The following PARP1 variants were observed in gnomAD, a reference collection of about 807,000 sequenced individuals.
PARP1 encodes poly [ADP-ribose] polymerase 1.
A neutral mutation model predicts 118.7 loss-of-function variants in PARP1; 44 were observed. The observed-to-expected ratio is 0.37, with a 90% CI of 0.29 to 0.48. The LOEUF (loss-of-function observed/expected upper bound fraction) is 0.48, where lower values mean the gene tolerates loss of function less well. Among genes scored for constraint, PARP1 ranks in the 20% least tolerant of loss-of-function variants. The probability of loss-of-function intolerance (pLI) is 0.99; values close to 1 mark genes in which losing one functional copy is unlikely to be tolerated. For missense variants in PARP1, 1,100 were observed against 1,272.4 expected (o/e 0.86, Z 2.06); for synonymous variants, 492 against 483.2 (o/e 1.02, Z -0.24).
At chr1:226,387,471 A>G (rs1158528742) in intron 5 of PARP1, among the ~76,000 whole-genome samples, 1 of 152,168 alleles carries the variant, frequency 6.6e-6, no homozygotes, top group Non-Finnish European at 1.5e-5. Flanking sequence ...TAGGGTTGCT[A>G]TTAGTATCAA....
chr1:226,379,957 A>T lies in PARP1; in HGVS notation c.1508T>A (p.Leu503His), dbSNP rs2102735402. The T allele has an allele frequency of 1.2e-6, 2 of 1,613,982 alleles. No individual in the cohort carries two copies. The highest frequency in any genetic ancestry group is 1.7e-6 in the Non-Finnish European group (2 of 1,180,008). ...VAPRGKSGAA[L>H]SKKSKGQVKE... ...GACCTGGCCCTTGCTTTTTTTGGAGAGCGCAGCCCCTGACTTCCCTCTTGG... is the reference window on the plus strand; with the variant it reads ...GACCTGGCCCTTGCTTTTTTTGGAGTGCGCAGCCCCTGACTTCCCTCTTGG... Residue 503 changes from leucine to histidine, a missense_variant, in exon 10 of 23, where the codon CTC (leucine) becomes CAC (histidine). Transcript: ENST00000366794.
intron 2 of PARP1, among the ~76,000 whole-genome samples, chr1:226,397,224 C>T (rs922291058): frequency 1.3e-5 from 2 of 150,778 alleles, no homozygotes; most frequent in African/African-American, 2.4e-5. Flanking sequence ...CAGAGGCTGA[C>T]GTGGGAGGAT....
In PARP1 at chr1:226,361,022, AT is replaced by A; in HGVS notation, c.*437del. ...TCTAAATAGTATGAAATTAGTTTTT[AT>A]TTTTAACTAAAAATAAATGCTTAAC... On this transcript the variant is annotated 3_prime_UTR_variant, in exon 23 of 23. Coordinates refer to ENST00000366794, the MANE Select transcript of PARP1 (RefSeq NM_001618.4). The A allele has an allele frequency of 4.2e-6, 1 of 236,044 alleles. No individual in the cohort carries two copies. The highest frequency in any genetic ancestry group is 8.4e-6 in the Non-Finnish European group (1 of 118,790). The allele number at this position is 236,044 out of a possible 1,614,324, so 14.6% of individuals were successfully genotyped here. A position where few individuals can be genotyped will look rare whatever the true frequency, so the allele number is the denominator to read the frequency against.
In PARP1 at chr1:226,361,343, G is replaced by A; in HGVS notation, c.*117C>T. On this transcript the variant is annotated 3_prime_UTR_variant, in exon 23 of 23. Coordinates refer to ENST00000366794, the MANE Select transcript of PARP1 (RefSeq NM_001618.4). ...CACGTTTCTGTAAAATCCTTTCTGAGGTGGTTTAGTACAGGTACTACCCAT... is the reference window on the plus strand; with the variant it reads ...CACGTTTCTGTAAAATCCTTTCTGAAGTGGTTTAGTACAGGTACTACCCAT... The A allele has an allele frequency of 1.4e-6, 1 of 724,940 alleles. No individual in the cohort carries two copies. Among genetic ancestry groups the A allele is most frequent in the Non-Finnish European group, 2.6e-6 (1 of 391,422 alleles). 44.9% of individuals were successfully genotyped at this position (724,940 alleles called of 1,614,324 possible). A position where few individuals can be genotyped will look rare whatever the true frequency, so the allele number is the denominator to read the frequency against.
intron 3 of PARP1, 46 bp from the exon 4 acceptor site, chr1:226,390,670 A>G (rs755184206): frequency 6.4e-7 from 1 of 1,558,610 alleles, no homozygotes; most frequent in Non-Finnish European, 8.8e-7. Flanking sequence ...ACAAGCAAGG[A>G]TAGTGAACAT....
At chr1:226,370,718 T>C in intron 14 of PARP1, 1 of 634,882 alleles carries the variant, frequency 1.6e-6, no homozygotes. Context: ...CTGAAGATTC[T>C]TGCTCACTTC....
chr1:226,388,297 C>T (rs1664752603), intron 5 of PARP1, among the ~76,000 whole-genome samples: 1 of 152,194 alleles, frequency 6.6e-6, no homozygotes, highest in African/African-American at 2.4e-5. Context: ...TATTCAGTTT[C>T]CAAAGTTTGC....
In PARP1 at chr1:226,392,517, T is replaced by G; in HGVS notation, c.287-203A>C. On this transcript the variant is annotated intron_variant, in intron 2 of 22. Coordinates refer to ENST00000366794, the MANE Select transcript of PARP1 (RefSeq NM_001618.4). ...TTCTTTTCTGGAGATAAATGACCCT[T>G]CTCAGACTGAGCTCCTTGAAAGAGC... is the stretch of plus-strand genomic sequence containing the variant. 3 of 605,622 alleles carry G rather than the reference T, an allele frequency of 5.0e-6. No individual in the cohort carries two copies. The Admixed American group carries it at 7.4e-5, about 15-fold the overall frequency. 37.5% of individuals were successfully genotyped at this position (605,622 alleles called of 1,614,324 possible).
chr1:226,373,641 C>G (rs545200361), intron 14 of PARP1, among the ~76,000 whole-genome samples: 3 of 152,166 alleles, frequency 2.0e-5, no homozygotes, highest in African/African-American at 7.2e-5. Flanking sequence ...CCACCCCCAC[C>G]CCACTGCCAA....
At chr1:226,368,503 C>T (rs1308981310) in intron 15 of PARP1, among the ~76,000 whole-genome samples, 182 bp from the exon 16 acceptor site, 1 of 152,124 alleles carries the variant, frequency 6.6e-6, no homozygotes, top group African/African-American at 2.4e-5. Flanking sequence ...AGGGCAGGAC[C>T]CCCATCCTCT....
At chr1:226,365,408 T>G (rs537663577) in intron 18 of PARP1, among the ~76,000 whole-genome samples, 3 of 152,228 alleles carry the variant, frequency 2.0e-5, no homozygotes, top group Non-Finnish European at 4.4e-5. Context: ...ATCTTGGACA[T>G]CTGATAATCT....
intron 2 of PARP1, among the ~76,000 whole-genome samples, chr1:226,400,094 G>A (rs1305727335): frequency 6.6e-6 from 1 of 152,212 alleles, no homozygotes; most frequent in Non-Finnish European, 1.5e-5. Flanking sequence ...CAGAGATTTT[G>A]TGCATGATAC....
chr1:226,367,756 T>G, intron 16 of PARP1, 148 bp from the exon 17 acceptor site: 1 of 883,606 alleles, frequency 1.1e-6, no homozygotes, highest in East Asian at 2.5e-5. Flanking sequence ...TGTTACCTGC[T>G]GCACATATTG....
chr1:226,394,294 C>T (rs1203798832), intron 2 of PARP1, among the ~76,000 whole-genome samples: 1 of 152,170 alleles, frequency 6.6e-6, no homozygotes, highest in East Asian at 1.9e-4. Context: ...GAGTTCAAGG[C>T]TACAGTGAGC....
intron 4 of PARP1, among the ~76,000 whole-genome samples, 192 bp from the exon 5 acceptor site, chr1:226,388,947 C>A (rs1664773793): frequency 6.6e-6 from 1 of 152,112 alleles, no homozygotes; most frequent in Non-Finnish European, 1.5e-5. Context: ...GTACTTGCAG[C>A]CAAGATGGCA....
At chr1:226,406,354 A>G (rs1665147137) in intron 1 of PARP1, among the ~76,000 whole-genome samples, 1 of 152,208 alleles carries the variant, frequency 6.6e-6, no homozygotes, top group Non-Finnish European at 1.5e-5. Context: ...CTCCTGCACC[A>G]GGAGTGAGAA....
chr1:226,388,830 G>A, intron 4 of PARP1, 75 bp from the exon 5 acceptor site: 2 of 1,067,672 alleles, frequency 1.9e-6, no homozygotes, highest in Non-Finnish European at 2.9e-6. Context: ...CGGTGATGCA[G>A]TATCTTAATG....
At chr1:226,396,338 C>A (rs1182502833) in intron 2 of PARP1, among the ~76,000 whole-genome samples, 98 of 150,918 alleles carry the variant, frequency 6.5e-4, no homozygotes, top group South Asian at 2.1e-4. Context: ...AGAGCAAGAC[C>A]CTGTCTCAAA....
At chr1:226,397,904 T>C (rs1014111046) in intron 2 of PARP1, among the ~76,000 whole-genome samples, 4 of 146,002 alleles carry the variant, frequency 2.7e-5, no homozygotes, top group African/African-American at 1.0e-4. Flanking sequence ...AAGGCAAAAA[T>C]GGAGAAAAGA....
Sources: allele counts gnomAD v4.1 joint callset (sites outside exome capture counted in the v4.1 genomes callset), GRCh38; gene constraint gnomAD v4.1.1; transcripts MANE v1.5; gene names NCBI Gene and HGNC (gene_info 2026-07-23, HGNC 2026-07-21).